AGO2: variants seen among roughly 807,000 people sequenced by gnomAD.
AGO2 encodes the protein protein argonaute-2.
In AGO2, 5 loss-of-function variants were observed where a neutral mutation model predicts 102.3. The ratio of observed to expected loss-of-function variants is 0.05; its 90% confidence interval spans 0.03 to 0.10. The LOEUF is 0.10. Ranked by LOEUF, AGO2 falls within the 10% of genes least tolerant of loss-of-function variation. AGO2 has a pLI of 1.00. For missense variants in AGO2, 541 were observed against 1,183.7 expected (o/e 0.46, Z 7.97); for synonymous variants, 449 against 473.1 (o/e 0.95, Z 0.66).
intron 2 of AGO2, among the ~76,000 whole-genome samples, chr8:140,580,188 G>A (rs2073534183): frequency 6.6e-6 from 1 of 152,276 alleles, no homozygotes; most frequent in South Asian, 2.1e-4. Context: ...GCTCCTGGGA[G>A]GAAGGGTCTT....
Position 140,527,506 on chromosome 8 carries a change from C to A in AGO2, c.*4538G>T, listed in dbSNP as rs2132842030. ...GAAGATTTTCCTCATAAAAAAGAGTCAGCGTGTGTGTGTGTAACAGGGGCA... is the reference window on the plus strand; with the variant it reads ...GAAGATTTTCCTCATAAAAAAGAGTAAGCGTGTGTGTGTGTAACAGGGGCA... On this transcript the variant is annotated 3_prime_UTR_variant, in exon 19 of 19. Transcript: ENST00000220592. This position sits in a 1 kb window ranked among gnomAD's most constrained non-coding sequence, Gnocchi z 6.0. The A allele has an allele frequency of 6.5e-6, 1 of 153,248 alleles. No homozygotes were observed. The highest frequency in any genetic ancestry group is 2.4e-5 in the African/African-American group (1 of 41,538). 9.5% of individuals were successfully genotyped at this position (153,248 alleles called of 1,614,324 possible). A position where few individuals can be genotyped will look rare whatever the true frequency, so the allele number is the denominator to read the frequency against.
intron 1 of AGO2, among the ~76,000 whole-genome samples, chr8:140,588,521 CAA>C (rs35189201): frequency 2.1e-5 from 3 of 141,802 alleles, no homozygotes; most frequent in African/African-American, 7.8e-5. Flanking sequence ...AGAATGGCGC[CAA>C]AAGAGTTCCT....
At chr8:140,632,108 T>C (rs187850492) in intron 1 of AGO2, among the ~76,000 whole-genome samples, 3 of 152,266 alleles carry the variant, frequency 2.0e-5, no homozygotes, top group Non-Finnish European at 4.4e-5. Context: ...TAAGCCCAAC[T>C]GGCATTGTGG....
intron 1 of AGO2, among the ~76,000 whole-genome samples, chr8:140,616,956 C>T (rs1424721507): frequency 6.6e-6 from 1 of 152,214 alleles, no homozygotes; most frequent in Non-Finnish European, 1.5e-5. Context: ...CCTGGCCCCG[C>T]TCTCCACCCC....
intron 3 of AGO2, among the ~76,000 whole-genome samples, chr8:140,563,606 A>G (rs1191063407): frequency 6.6e-6 from 1 of 152,206 alleles, no homozygotes; most frequent in Non-Finnish European, 1.5e-5. Context: ...CCACAAAGCC[A>G]TGAAAGGGCA....
chr8:140,540,197 A>C lies in AGO2; in HGVS notation c.2035-743T>G, dbSNP rs2072772075. ...CAAGGTGTATCCATTCTGTCCTCCC[A>C]GGAGGCCATGGGTCTCGGGAACGAG... On this transcript the variant is annotated intron_variant, in intron 15 of 18. Transcript: ENST00000220592. The surrounding 1 kb of genome is among the most constrained non-coding windows in gnomAD (Gnocchi z 5.0). Among the ~76,000 whole-genome samples the C allele has an allele frequency of 1.3e-5, 2 of 152,218 alleles. No individual in the cohort carries two copies. Among genetic ancestry groups the C allele is most frequent in the Non-Finnish European group, 2.9e-5 (2 of 68,040 alleles).
At chr8:140,535,663 C>T in intron 16 of AGO2, 94 bp from the exon 17 acceptor site, 6 of 1,233,592 alleles carry the variant, frequency 4.9e-6, no homozygotes, top group Non-Finnish European at 6.0e-6. Context: ...GGCCAGGGTG[C>T]CCTATTTTGA....
At position 140,535,701 on chromosome 8, in the gene AGO2, T is replaced by C. The variant is rs2072684478; in HGVS notation, c.2170-132A>G. The C allele has an allele frequency of 8.2e-6, 6 of 731,206 alleles. No individual in the cohort carries two copies. The East Asian group carries it at 1.3e-4, about 16-fold the overall frequency. 45.3% of individuals were successfully genotyped at this position (731,206 alleles called of 1,614,324 possible). On this transcript the variant is annotated intron_variant, in intron 16 of 18. Transcript: ENST00000220592. ...TTTTTAAATTGGCTAATACAGGTCC[T>C]CGGTAGGATAGTGTTACATAAAATT...
At chr8:140,610,028 T>TAAAAA (rs55637374) in intron 1 of AGO2, among the ~76,000 whole-genome samples, 63 of 126,508 alleles carry the variant, frequency 5.0e-4, no homozygotes, top group East Asian at 2.3e-3. Flanking sequence ...ACCTTGACTC[T>TAAAAA]AAAAAAAAAA....
intron 1 of AGO2, among the ~76,000 whole-genome samples, chr8:140,605,093 C>CAA (rs1260131119): frequency 6.6e-6 from 1 of 152,044 alleles, no homozygotes; most frequent in Non-Finnish European, 1.5e-5. Flanking sequence ...AAAAAAAATA[C>CAA]AAGTTTTTTT....
In AGO2 at chr8:140,551,447, C is replaced by A. The variant is rs756750475; in HGVS notation, c.1270-11G>T. 1.8e-5 allele frequency: 28 copies of A among 1,546,302 alleles called. No homozygotes were observed. The highest frequency in any genetic ancestry group is 2.3e-5 in the Non-Finnish European group (26 of 1,138,320). ...CGCAATAGCTTTATTCTGCAAATGG[C>A]AAAAGGTTCAGGGTGAGAAAAAAAT... is the stretch of plus-strand genomic sequence containing the variant. On this transcript the variant is annotated splice_polypyrimidine_tract_variant and intron_variant, in intron 10 of 18. Coordinates refer to ENST00000220592, the MANE Select transcript of AGO2 (RefSeq NM_012154.5).
rs1209820991 is a variant in AGO2, at chr8:140,626,119, G to A, written c.22+9366C>T. Among the ~76,000 whole-genome samples the A allele has an allele frequency of 1.7e-3, 10 of 5,886 alleles. 1 individual carries two copies. The South Asian group carries it at 0.028, about 16-fold the overall frequency. 3.9% of individuals were successfully genotyped at this position (5,886 alleles called of 152,430 possible). ...CGGCTTCAGCTGGGTTCATGGCCCG[G>A]GGGGGCACAGCTGGCGCCCTTTCGG... On this transcript the variant is annotated intron_variant, in intron 1 of 18. Coordinates refer to ENST00000220592, the MANE Select transcript of AGO2 (RefSeq NM_012154.5).
At chr8:140,551,475 A>G (rs748637017) in intron 10 of AGO2, 39 bp from the exon 11 acceptor site, 1 of 1,481,540 alleles carries the variant, frequency 6.7e-7, no homozygotes, top group African/African-American at 1.4e-5. Flanking sequence ...AAAAAAATGG[A>G]AAACATATTC....
At chr8:140,561,681 A>G (rs975732750) in intron 4 of AGO2, among the ~76,000 whole-genome samples, 1 of 152,150 alleles carries the variant, frequency 6.6e-6, no homozygotes, top group African/African-American at 2.4e-5. Flanking sequence ...AAAATCTTAC[A>G]CATGGCCTCA....
At chr8:140,562,671 T>G in intron 3 of AGO2, 37 bp from the exon 4 acceptor site, 1 of 1,596,960 alleles carries the variant, frequency 6.3e-7, no homozygotes. Flanking sequence ...TACTCCCTCC[T>G]GCGAAGCCCC....
At chr8:140,544,982 C>T (rs2072874476) in intron 13 of AGO2, among the ~76,000 whole-genome samples, 1 of 152,188 alleles carries the variant, frequency 6.6e-6, no homozygotes, top group South Asian at 2.1e-4. Flanking sequence ...GTTGAGAGTG[C>T]ACCGCCGCAC....
chr8:140,555,858 GCC>G, intron 10 of AGO2, 36 bp downstream of exon 10: 1 of 1,598,578 alleles, frequency 6.3e-7, no homozygotes, highest in Non-Finnish European at 8.5e-7. Context: ...GCAGAGACAT[GCC>G]CCGCAGCCAC....
intron 1 of AGO2, among the ~76,000 whole-genome samples, chr8:140,609,321 C>T (rs1278858973): frequency 1.3e-5 from 2 of 152,242 alleles, no homozygotes; most frequent in Non-Finnish European, 2.9e-5. Flanking sequence ...TCACACCCGG[C>T]AGAGCGGTGG....
chr8:140,521,018 A>G lies in AGO2; in HGVS notation c.*11026T>C, dbSNP rs867300711. The G allele has an allele frequency of 6.6e-6, 1 of 152,178 alleles. No individual in the cohort carries two copies. The highest frequency in any genetic ancestry group is 1.5e-5 in the Non-Finnish European group (1 of 68,036). 9.4% of individuals were successfully genotyped at this position (152,178 alleles called of 1,614,324 possible). A position where few individuals can be genotyped will look rare whatever the true frequency, so the allele number is the denominator to read the frequency against. On this transcript the variant is annotated 3_prime_UTR_variant, in exon 19 of 19. Coordinates refer to ENST00000220592, the MANE Select transcript of AGO2 (RefSeq NM_012154.5). ...CAGTCTATTGGGGTCCAAAAAGCAT[A>G]TATCAAAACAAAAATAACAAAAGCA...
Sources: gnomAD v4.1 joint callset for allele counts (sites outside exome capture counted in the v4.1 genomes callset) on GRCh38, gnomAD v4.1.1 for gene constraint, Gnocchi (gnomAD v3.1) non-coding constraint, MANE v1.5 for transcripts, NCBI Gene and HGNC (gene_info 2026-07-23, HGNC 2026-07-21) for gene names.